EYS: variants seen among roughly 807,000 people sequenced by gnomAD.
EYS encodes EGF-like photoreceptor maintenance factor.
EYS carries 250 observed loss-of-function variants against 282.1 expected under a neutral mutation model. The observed-to-expected ratio is 0.89, with a 90% CI of 0.80 to 0.98. The LOEUF is 0.98. Ranked by LOEUF, EYS falls within the 50% of genes least tolerant of loss-of-function variation. EYS has a pLI of 0.00. For synonymous variants in EYS, 1,355 were observed against 1,282.9 expected (o/e 1.06, Z -1.20); for missense variants, 4,016 against 3,709.0 (o/e 1.08, Z -2.15).
At chr6:65,343,899 C>T (rs1001839359) in intron 10 of EYS, 139 bp downstream of exon 10, 17 of 717,850 alleles carry the variant, frequency 2.4e-5, no homozygotes, top group Admixed American at 7.9e-5. Context: ...AATTTGTTTA[C>T]GAAGTTATAT....
intron 40 of EYS, among the ~76,000 whole-genome samples, chr6:63,776,524 A>T (rs1770068853): frequency 1.3e-5 from 2 of 152,174 alleles, no homozygotes; most frequent in South Asian, 4.1e-4. Context: ...AGAGGGTTTT[A>T]GTGAGGAGCA....
chr6:64,513,593 A>G (rs1468365190), intron 26 of EYS, among the ~76,000 whole-genome samples: 1 of 151,942 alleles, frequency 6.6e-6, no homozygotes, highest in African/African-American at 2.4e-5. Context: ...GGATAACACT[A>G]AGAAAATTCC....
intron 22 of EYS, among the ~76,000 whole-genome samples, chr6:64,759,240 T>C (rs902674792): frequency 6.6e-6 from 1 of 152,172 alleles, no homozygotes; most frequent in Non-Finnish European, 1.5e-5. Context: ...GTGATACTTG[T>C]TTCAAGCGAG....
chr6:65,571,104 CCTT>C (rs1459203207), intron 2 of EYS, among the ~76,000 whole-genome samples: 1 of 151,980 alleles, frequency 6.6e-6, no homozygotes, highest in African/African-American at 2.4e-5. Flanking sequence ...TTCATTCTAT[CCTT>C]CTAGGCTTTC....
chr6:65,154,595 C>T (rs1764690294), intron 12 of EYS, among the ~76,000 whole-genome samples: 1 of 151,478 alleles, frequency 6.6e-6, no homozygotes, highest in African/African-American at 2.4e-5. Context: ...CTCTTCTAAA[C>T]TGTAATGGTT....
intron 12 of EYS, among the ~76,000 whole-genome samples, chr6:65,130,205 A>G (rs1190925781): frequency 6.6e-6 from 1 of 151,840 alleles, no homozygotes; most frequent in Non-Finnish European, 1.5e-5. Context: ...CCGCTTGAGT[A>G]CTATGCTCAG....
intron 31 of EYS, among the ~76,000 whole-genome samples, chr6:64,213,637 A>G (rs1765849034): frequency 6.6e-6 from 1 of 152,194 alleles, no homozygotes; most frequent in African/African-American, 2.4e-5. Context: ...AATTAAATGT[A>G]GATAACAGTC....
intron 41 of EYS, among the ~76,000 whole-genome samples, chr6:63,738,561 G>T (rs534583626): frequency 6.5e-5 from 9 of 137,448 alleles, no homozygotes; most frequent in African/African-American, 2.5e-4. Flanking sequence ...CACAGGAAGG[G>T]GAACATCACA....
chr6:64,997,571 T>G lies in EYS; in HGVS notation c.2259+11A>C. The stretch of plus-strand genomic sequence containing the variant: ...CACATTTAGGTATATAAAAAGCCAG[T>G]GGATACTAACGAGATGCAGGTCTTT... On this transcript the variant is annotated intron_variant, in intron 14 of 42. Transcript: ENST00000503581. 1 of 1,550,288 alleles carries G rather than the reference T, an allele frequency of 6.5e-7. No homozygotes were observed. The highest frequency in any genetic ancestry group is 8.7e-7 in the Non-Finnish European group (1 of 1,145,932).
At chr6:65,368,017 T>G (rs1308313798) in intron 8 of EYS, among the ~76,000 whole-genome samples, 1 of 151,596 alleles carries the variant, frequency 6.6e-6, no homozygotes, top group East Asian at 1.9e-4. Flanking sequence ...TGGGAAAGCC[T>G]CAGGAAACTT....
chr6:63,981,421 A>T (rs1767086478), intron 35 of EYS, among the ~76,000 whole-genome samples: 1 of 151,864 alleles, frequency 6.6e-6, no homozygotes, highest in Non-Finnish European at 1.5e-5. Context: ...ACTGTATTGC[A>T]TGTTGAAGTA....
At chr6:64,397,139 T>C (rs2150433569) in intron 28 of EYS, among the ~76,000 whole-genome samples, 1 of 152,282 alleles carries the variant, frequency 6.6e-6, no homozygotes, top group African/African-American at 2.4e-5. Flanking sequence ...TAATGAATTA[T>C]GTTTGCTGGT....
intron 22 of EYS, among the ~76,000 whole-genome samples, chr6:64,801,123 C>A (rs1353411488): frequency 2.0e-5 from 3 of 151,908 alleles, no homozygotes; most frequent in African/African-American, 7.3e-5. Flanking sequence ...GGCATCACTT[C>A]CAGAAAACAT....
At chr6:64,056,001 T>A (rs562146573) in intron 33 of EYS, among the ~76,000 whole-genome samples, 13 of 152,212 alleles carry the variant, frequency 8.5e-5, no homozygotes, top group Middle Eastern at 3.4e-3. Context: ...CCCCTCGGGA[T>A]GAGGGGGATG....
At chr6:65,405,780 T>C (rs763669987) in intron 5 of EYS, among the ~76,000 whole-genome samples, 4 of 152,126 alleles carry the variant, frequency 2.6e-5, no homozygotes, top group African/African-American at 4.8e-5. Flanking sequence ...GTTGGTACTT[T>C]ATATTGCTAA....
intron 22 of EYS, among the ~76,000 whole-genome samples, chr6:64,725,476 G>A (rs1262230417): frequency 2.0e-5 from 3 of 151,872 alleles, no homozygotes; most frequent in South Asian, 4.2e-4. Flanking sequence ...AAGGCATTAT[G>A]AGCTCAACTG....
chr6:64,588,429 G>A (rs1292295688), intron 26 of EYS, among the ~76,000 whole-genome samples: 1 of 151,998 alleles, frequency 6.6e-6, no homozygotes, highest in East Asian at 1.9e-4. Context: ...AACAGCTTTG[G>A]TTAATAAGAA....
intron 19 of EYS, among the ~76,000 whole-genome samples, chr6:64,825,795 A>G (rs969580775): frequency 1.3e-5 from 2 of 151,790 alleles, no homozygotes; most frequent in African/African-American, 4.8e-5. Context: ...GTTCACAATG[A>G]TCTCCCACAA....
At chr6:65,177,967 T>C (rs1765269714) in intron 12 of EYS, among the ~76,000 whole-genome samples, 1 of 151,924 alleles carries the variant, frequency 6.6e-6, no homozygotes, top group Admixed American at 6.6e-5. Context: ...AGTTTGTTAG[T>C]CCCTTTCACT....
Sources: allele counts gnomAD v4.1 joint callset (sites outside exome capture counted in the v4.1 genomes callset), GRCh38; gene constraint gnomAD v4.1.1; transcripts MANE v1.5; gene names NCBI Gene and HGNC (gene_info 2026-07-23, HGNC 2026-07-21).